Variants in PTPRN2 observed in about 807,000 individuals in gnomAD.
The protein encoded by PTPRN2 is receptor-type tyrosine-protein phosphatase N2.
PTPRN2 carries 74 observed loss-of-function variants against 118.8 expected under a neutral mutation model. That is an observed-to-expected ratio of 0.62 (90% CI 0.52 to 0.76). The LOEUF (loss-of-function observed/expected upper bound fraction) is 0.76. Among genes scored for constraint, PTPRN2 ranks in the 30% least tolerant of loss-of-function variants. The pLI is 0.00. For missense variants in PTPRN2, 1,481 were observed against 1,394.4 expected (o/e 1.06, Z -0.99); for synonymous variants, 641 against 608.0 (o/e 1.05, Z -0.80).
At chr7:157,540,924 G>C in intron 22 of PTPRN2, 139 bp from the exon 23 acceptor site, 1 of 684,470 alleles carries the variant, frequency 1.5e-6, no homozygotes, top group East Asian at 2.9e-5. Flanking sequence ...TTCGCAGAAA[G>C]AAATTGTTTA....
intron 12 of PTPRN2, among the ~76,000 whole-genome samples, chr7:157,710,332 G>C (rs1473287634): frequency 6.6e-6 from 1 of 152,190 alleles, no homozygotes; most frequent in Non-Finnish European, 1.5e-5. Flanking sequence ...CTCTTGGCCA[G>C]GTGTGGTGGC....
chr7:158,185,792 G>A (rs1022604310), intron 5 of PTPRN2, among the ~76,000 whole-genome samples: 3 of 152,176 alleles, frequency 2.0e-5, no homozygotes, highest in African/African-American at 2.4e-5. Flanking sequence ...GCACTCAGCC[G>A]CCAGGTTTCT....
chr7:158,329,976 C>A (rs1804035985), intron 2 of PTPRN2, among the ~76,000 whole-genome samples: 1 of 152,126 alleles, frequency 6.6e-6, no homozygotes, highest in South Asian at 2.1e-4. Context: ...GCGACTCTCA[C>A]CATAAGAGCT....
chr7:158,402,652 C>A (rs2151408697), intron 2 of PTPRN2, among the ~76,000 whole-genome samples: 1 of 152,326 alleles, frequency 6.6e-6, no homozygotes, highest in East Asian at 1.9e-4. Context: ...CGGCCTTGGG[C>A]AAGCCCTGCG....
chr7:157,952,990 C>T (rs1442316616), intron 11 of PTPRN2, among the ~76,000 whole-genome samples: 1 of 151,986 alleles, frequency 6.6e-6, no homozygotes, highest in East Asian at 2.0e-4. Flanking sequence ...TCCATTGGCC[C>T]ACAGGGTGAG....
At chr7:158,487,471 G>A (rs1024654206) in intron 2 of PTPRN2, among the ~76,000 whole-genome samples, 14 of 152,168 alleles carry the variant, frequency 9.2e-5, no homozygotes, top group Non-Finnish European at 7.3e-5. Context: ...CCATCCTAAT[G>A]GGTGTGAGGT....
chr7:158,155,508 A>G (rs79476213), intron 6 of PTPRN2, among the ~76,000 whole-genome samples: 5,023 of 116,080 alleles, frequency 0.043, 284 homozygotes, highest in African/African-American at 0.14. Flanking sequence ...ATCATCACCA[A>G]TGCCATCATC....
intron 1 of PTPRN2, among the ~76,000 whole-genome samples, chr7:158,523,679 G>A (rs1563393249): frequency 2.7e-5 from 4 of 148,042 alleles, no homozygotes; most frequent in South Asian, 2.1e-4. Flanking sequence ...GCCCTGGAGC[G>A]GAGTCGTCTG....
chr7:157,586,035 C>T lies in PTPRN2; in HGVS notation c.2497-7895G>A, dbSNP rs567492787. Among the ~76,000 whole-genome samples, 4 of 152,254 alleles carry T rather than the reference C, an allele frequency of 2.6e-5. No homozygotes were observed. The South Asian group carries it at 8.3e-4, about 32-fold the overall frequency. ...CAACGTGAGAAACAGTTTCTTTCAC[C>T]TTTAAAGGTTCGTGAATTTATGAAT... On this transcript the variant is annotated intron_variant, in intron 17 of 22. Coordinates refer to ENST00000389418, the MANE Select transcript of PTPRN2 (RefSeq NM_002847.5).
At chr7:157,775,644 C>A (rs919676933) in intron 12 of PTPRN2, among the ~76,000 whole-genome samples, 1 of 152,300 alleles carries the variant, frequency 6.6e-6, no homozygotes, top group South Asian at 2.1e-4. Context: ...GGGTGTGGGG[C>A]TGAGGCGGGC....
chr7:158,071,554 TGGTG>T (rs1811683236), intron 11 of PTPRN2, among the ~76,000 whole-genome samples: 2 of 26,172 alleles, frequency 7.6e-5, no homozygotes, highest in Non-Finnish European at 1.8e-4. Flanking sequence ...GTGCTCCTGG[TGGTG>T]GAGGTGCTCC....
At chr7:157,871,204 A>C (rs900101565) in intron 12 of PTPRN2, among the ~76,000 whole-genome samples, 1 of 152,202 alleles carries the variant, frequency 6.6e-6, no homozygotes, top group Non-Finnish European at 1.5e-5. Flanking sequence ...GTGGTTCTCA[A>C]AGTGGGGTCC....
chr7:157,971,586 T>A (rs1802335694), intron 11 of PTPRN2, among the ~76,000 whole-genome samples: 1 of 152,168 alleles, frequency 6.6e-6, no homozygotes, highest in Non-Finnish European at 1.5e-5. Context: ...TCCGTGCTAA[T>A]TAACTGAAGC....
chr7:158,173,956 C>T (rs1390428692), intron 5 of PTPRN2, among the ~76,000 whole-genome samples: 1 of 152,172 alleles, frequency 6.6e-6, no homozygotes, highest in Non-Finnish European at 1.5e-5. Flanking sequence ...ATTGTTCAAA[C>T]ACATGTTTTA....
intron 9 of PTPRN2, among the ~76,000 whole-genome samples, chr7:158,114,167 G>T (rs550376844): frequency 2.0e-4 from 31 of 152,212 alleles, no homozygotes; most frequent in African/African-American, 7.2e-4. Flanking sequence ...CTGCATCCAC[G>T]TACCACAGGC....
At chr7:157,545,407 G>C (rs1798261830) in intron 22 of PTPRN2, among the ~76,000 whole-genome samples, 1 of 150,608 alleles carries the variant, frequency 6.6e-6, no homozygotes, top group South Asian at 2.1e-4. Flanking sequence ...GCGTGAGTGG[G>C]TGTGTAGGTG....
At position 157,845,215 on chromosome 7, in the gene PTPRN2, A is replaced by C. The variant is rs565460830; in HGVS notation, c.1788+53458T>G. ...AGAAAAAGATACACAGGCTAATGTA[A>C]TGAATACACTAGCACCCTTAGCCAG... On this transcript the variant is annotated intron_variant, in intron 12 of 22. Transcript: ENST00000389418. This position sits in a 1 kb window ranked among gnomAD's most constrained non-coding sequence, Gnocchi z 4.5. Among the ~76,000 whole-genome samples, 1 of 152,186 alleles carries C rather than the reference A, an allele frequency of 6.6e-6. No homozygotes were observed.
chr7:157,938,145 C>T (rs1042871024), intron 11 of PTPRN2, among the ~76,000 whole-genome samples: 1 of 152,166 alleles, frequency 6.6e-6, no homozygotes. Flanking sequence ...TCGAAGTGGG[C>T]CCCCCGCATG....
chr7:158,169,420 G>GTGTC (rs1206942657), intron 5 of PTPRN2, among the ~76,000 whole-genome samples: 9 of 86,460 alleles, frequency 1.0e-4, no homozygotes, highest in African/African-American at 2.4e-4. Context: ...TTTTGTGAGT[G>GTGTC]TGTGTGTGTG....
Sources: gnomAD v4.1 joint callset for allele counts (sites outside exome capture counted in the v4.1 genomes callset) on GRCh38, gnomAD v4.1.1 for gene constraint, Gnocchi (gnomAD v3.1) non-coding constraint, MANE v1.5 for transcripts, NCBI Gene and HGNC (gene_info 2026-07-23, HGNC 2026-07-21) for gene names.